Variants in SH3GL2 observed in about 807,000 individuals in gnomAD.
The protein encoded by SH3GL2 is endophilin-A1.
A neutral mutation model predicts 46.0 loss-of-function variants in SH3GL2; 24 were observed. That is an observed-to-expected ratio of 0.52 (90% confidence interval 0.38 to 0.73). The LOEUF (loss-of-function observed/expected upper bound fraction) is 0.73, where lower values mean the gene tolerates loss of function less well. SH3GL2 is among the 30% of genes least tolerant of loss of function. The pLI is 0.00. For missense variants in SH3GL2, 413 were observed against 424.2 expected, an observed-to-expected ratio of 0.97 and a Z score of 0.23; for synonymous variants, 196 against 147.1, an observed-to-expected ratio of 1.33 and a Z score of -2.40.
At chr9:17,609,838 G>A (rs146114203) in intron 1 of SH3GL2, among the ~76,000 whole-genome samples, 2 of 152,258 alleles carry the variant, frequency 1.3e-5, no homozygotes, top group African/African-American at 2.4e-5. Context: ...GATAATGGGG[G>A]GTAGGTTGGA....
At chr9:17,654,084 A>G (rs1393277955) in intron 1 of SH3GL2, among the ~76,000 whole-genome samples, 1 of 152,158 alleles carries the variant, frequency 6.6e-6, no homozygotes, top group Non-Finnish European at 1.5e-5. Flanking sequence ...AGAAGGTGTC[A>G]AGACACGGAG....
chr9:17,795,493 A>C, intron 8 of SH3GL2, 51 bp from the exon 9 acceptor site: 92 of 1,468,558 alleles, frequency 6.3e-5, no homozygotes, highest in Non-Finnish European at 8.2e-5. Flanking sequence ...TGTGAGTTAA[A>C]TACCCCTTAT....
At chr9:17,581,369 A>G (rs1056611847) in intron 1 of SH3GL2, among the ~76,000 whole-genome samples, 7 of 152,212 alleles carry the variant, frequency 4.6e-5, no homozygotes, top group African/African-American at 9.6e-5. Context: ...TCACTGCGTC[A>G]TTGTCTTCCT....
Position 17,792,018 on chromosome 9 carries a change from G to C in SH3GL2, c.728+684G>C, listed in dbSNP as rs1824144112. 2.6e-5 allele frequency among the ~76,000 whole-genome samples: 4 copies of C among 152,148 alleles called. No homozygotes were observed. The South Asian group carries it at 8.3e-4, about 32-fold the overall frequency. ...TTATAATATGTGTTATTTTAATTTA[G>C]CCAGATTAAACAGGATGATTTTGCT... On this transcript the variant is annotated intron_variant, in intron 7 of 8. Transcript: ENST00000380607.
chr9:17,648,079 A>G lies in SH3GL2; in HGVS notation c.45+68792A>G, dbSNP rs189264867. Among the ~76,000 whole-genome samples, 163 of 152,324 alleles carry G rather than the reference A, an allele frequency of 1.1e-3. 1 individual carries two copies. The highest frequency in any genetic ancestry group is 7.3e-4 in the Non-Finnish European group (50 of 68,028). On this transcript the variant is annotated intron_variant, in intron 1 of 8. Transcript: ENST00000380607. ...CTTTATTGTAAAAATACAGTATATA[A>G]TACATATAACATACAAAATGTGTTC...
At chr9:17,593,853 G>C (rs1488216302) in intron 1 of SH3GL2, among the ~76,000 whole-genome samples, 1 of 152,124 alleles carries the variant, frequency 6.6e-6, no homozygotes, top group Non-Finnish European at 1.5e-5. Context: ...TAGGAGCCCA[G>C]AGACTTCACA....
At chr9:17,616,496 A>G (rs3824389) in intron 1 of SH3GL2, among the ~76,000 whole-genome samples, 106,701 of 151,980 alleles carry the variant, frequency 0.7, 37,733 homozygotes, top group East Asian at 0.93. Flanking sequence ...TTTGTGGGGT[A>G]GTATTTTTAT....
chr9:17,594,309 T>A (rs894489504), intron 1 of SH3GL2, among the ~76,000 whole-genome samples: 1 of 152,224 alleles, frequency 6.6e-6, no homozygotes, highest in Non-Finnish European at 1.5e-5. Context: ...CGCACCATGC[T>A]CTTCCCTCTC....
At chr9:17,657,559 A>C (rs12004945) in intron 1 of SH3GL2, among the ~76,000 whole-genome samples, 1 of 152,206 alleles carries the variant, frequency 6.6e-6, no homozygotes, top group East Asian at 1.9e-4. Context: ...AATTAAGGAA[A>C]GTAGTAAAAC....
chr9:17,638,952 T>C (rs1819610577), intron 1 of SH3GL2, among the ~76,000 whole-genome samples: 1 of 152,210 alleles, frequency 6.6e-6, no homozygotes, highest in Non-Finnish European at 1.5e-5. Context: ...TATGTAAAAA[T>C]GGAGGCTAAT....
chr9:17,579,448 C>T (rs1234366164), intron 1 of SH3GL2, among the ~76,000 whole-genome samples, 161 bp downstream of exon 1: 2 of 151,840 alleles, frequency 1.3e-5, no homozygotes, highest in African/African-American at 2.4e-5. Context: ...CTCGGGGCAT[C>T]CCCGGTCTGG....
At chr9:17,659,174 C>G (rs987236476) in intron 1 of SH3GL2, among the ~76,000 whole-genome samples, 2 of 152,094 alleles carry the variant, frequency 1.3e-5, no homozygotes, top group East Asian at 3.9e-4. Context: ...AGTTAAGCGG[C>G]CACTAAGGTC....
chr9:17,762,308 T>A (rs932827125), intron 3 of SH3GL2, among the ~76,000 whole-genome samples: 3 of 151,468 alleles, frequency 2.0e-5, no homozygotes. Flanking sequence ...CAGGTTGGGG[T>A]TCCGTGTATT....
At position 17,790,029 on chromosome 9, in the gene SH3GL2, C is replaced by G. The variant is rs558336228; in HGVS notation, c.624+479C>G. 1.4e-4 allele frequency among the ~76,000 whole-genome samples: 22 copies of G among 152,206 alleles called. No homozygotes were observed. The South Asian group carries it at 2.7e-3, about 19-fold the overall frequency. Reference sequence around the variant, plus strand: ...GGATCTATGTATAACTCAATAGAGGCCTGAGAACTCAGTTGTGGAGCAGGG... The same window carrying G: ...GGATCTATGTATAACTCAATAGAGGGCTGAGAACTCAGTTGTGGAGCAGGG... On this transcript the variant is annotated intron_variant, in intron 6 of 8. Coordinates refer to ENST00000380607, the MANE Select transcript of SH3GL2 (RefSeq NM_003026.5).
At chr9:17,589,714 A>G (rs1273974192) in intron 1 of SH3GL2, 1 of 152,310 alleles carries the variant, frequency 6.6e-6, no homozygotes, top group African/African-American at 2.4e-5. Context: ...GTGCAGGCAC[A>G]TCGGATGGCT....
chr9:17,752,937 A>G (rs534246511), intron 2 of SH3GL2, among the ~76,000 whole-genome samples: 29 of 151,862 alleles, frequency 1.9e-4, no homozygotes, highest in Non-Finnish European at 3.7e-4. Flanking sequence ...TTTTTGTCCC[A>G]CTTATAAGTG....
chr9:17,759,417 G>C (rs981484593), intron 2 of SH3GL2, among the ~76,000 whole-genome samples: 9 of 152,200 alleles, frequency 5.9e-5, no homozygotes, highest in African/African-American at 2.2e-4. Flanking sequence ...TTCCAGCTCT[G>C]ACTTGGCCTC....
At chr9:17,780,690 C>T (rs1823782363) in intron 3 of SH3GL2, among the ~76,000 whole-genome samples, 1 of 98,772 alleles carries the variant, frequency 1.0e-5, no homozygotes, top group East Asian at 2.9e-4. Flanking sequence ...TCCATGTGAT[C>T]TCATTGTTCA....
intron 1 of SH3GL2, among the ~76,000 whole-genome samples, chr9:17,584,298 C>G (rs770625192): frequency 3.3e-5 from 5 of 152,064 alleles, no homozygotes; most frequent in Non-Finnish European, 7.4e-5. Context: ...GTCAGGAGTT[C>G]AAAACCGGCT....
Sources: allele counts gnomAD v4.1 joint callset (sites outside exome capture counted in the v4.1 genomes callset), GRCh38; gene constraint gnomAD v4.1.1; transcripts MANE v1.5; gene names NCBI Gene and HGNC (gene_info 2026-07-23, HGNC 2026-07-21).